Variants in POU6F2 observed in about 807,000 individuals in gnomAD.
The protein encoded by POU6F2 is POU domain, class 6, transcription factor 2.
In POU6F2, 31 loss-of-function variants were observed where a neutral mutation model predicts 71.3. The ratio of observed to expected loss-of-function variants is 0.43; its 90% CI spans 0.33 to 0.59. The LOEUF (loss-of-function observed/expected upper bound fraction) is 0.59, where lower values mean the gene tolerates loss of function less well. Ranked by LOEUF, POU6F2 falls within the 20% of genes least tolerant of loss-of-function variation. The probability of loss-of-function intolerance (pLI) is 0.04; values close to 1 mark genes in which losing one functional copy is unlikely to be tolerated. For synonymous variants in POU6F2, 347 were observed against 355.7 expected (o/e 0.98, Z 0.27); for missense variants, 783 against 856.8 (o/e 0.91, Z 1.07).
intron 4 of POU6F2, among the ~76,000 whole-genome samples, chr7:39,234,582 G>A (rs1477553376): frequency 6.6e-6 from 1 of 152,122 alleles, no homozygotes; most frequent in East Asian, 1.9e-4. Flanking sequence ...ATCACAGTGT[G>A]ATCCTTCTGG....
chr7:39,296,433 C>T (rs79279716), intron 4 of POU6F2, among the ~76,000 whole-genome samples: 2 of 152,204 alleles, frequency 1.3e-5, no homozygotes, highest in Non-Finnish European at 2.9e-5. Context: ...CATCCCTTCT[C>T]CTCTTCCTCT....
intron 2 of POU6F2, among the ~76,000 whole-genome samples, chr7:39,167,710 T>A (rs1793141479): frequency 6.6e-6 from 1 of 152,050 alleles, no homozygotes; most frequent in South Asian, 2.1e-4. Context: ...CTTTTACCAA[T>A]TTTTTGTTAG....
At chr7:39,247,834 C>T (rs1783848324) in intron 4 of POU6F2, among the ~76,000 whole-genome samples, 1 of 152,180 alleles carries the variant, frequency 6.6e-6, no homozygotes, top group Non-Finnish European at 1.5e-5. Context: ...TATTCCAGGG[C>T]AGCTAATAGG....
Position 39,242,404 on chromosome 7 carries a change from CTTTAG to C in POU6F2, c.598+34790_598+34794del, listed in dbSNP as rs528291024. ...TGCTTTTTTTTTTTTCTTTTCTTGTCTTTAGTTTAGCCATCGCACTAAGCATCTAT... is the reference window on the plus strand; with the variant it reads ...TGCTTTTTTTTTTTTCTTTTCTTGTCTTTAGCCATCGCACTAAGCATCTAT... On this transcript the variant is annotated intron_variant, in intron 4 of 9. Transcript: ENST00000518318. Among the ~76,000 whole-genome samples, 112 of 146,616 alleles carry C rather than the reference CTTTAG, an allele frequency of 7.6e-4. 1 individual carries two copies. Among genetic ancestry groups the C allele is most frequent in the African/African-American group, 2.6e-3 (104 of 39,426 alleles).
intron 4 of POU6F2, among the ~76,000 whole-genome samples, chr7:39,234,919 C>T (rs979162048): frequency 1.3e-5 from 2 of 152,154 alleles, no homozygotes; most frequent in Non-Finnish European, 2.9e-5. Flanking sequence ...TTCTCTTAGG[C>T]ATTCCTCCCT....
chr7:39,425,700 C>G (rs1423131218), intron 6 of POU6F2, among the ~76,000 whole-genome samples: 2 of 152,232 alleles, frequency 1.3e-5, no homozygotes, highest in Non-Finnish European at 2.9e-5. Context: ...CTGCTAGCTT[C>G]TTAAATTATC....
chr7:39,197,937 C>T (rs1225940635), intron 2 of POU6F2, among the ~76,000 whole-genome samples: 1 of 152,126 alleles, frequency 6.6e-6, no homozygotes, highest in African/African-American at 2.4e-5. Context: ...AGAGACTTTT[C>T]CCTGAAAGAA....
At chr7:39,196,120 G>A (rs1044811659) in intron 2 of POU6F2, among the ~76,000 whole-genome samples, 5 of 152,304 alleles carry the variant, frequency 3.3e-5, no homozygotes, top group Admixed American at 2.6e-4. Context: ...CCCTTGTCAA[G>A]CTCCACAGTG....
intron 4 of POU6F2, among the ~76,000 whole-genome samples, chr7:39,315,905 G>A (rs1257448082): frequency 1.3e-5 from 2 of 152,136 alleles, no homozygotes; most frequent in Non-Finnish European, 2.9e-5. Context: ...TACATAATTT[G>A]TCCCCAAATT....
intron 2 of POU6F2, among the ~76,000 whole-genome samples, chr7:39,114,955 T>C (rs570438240): frequency 1.9e-3 from 290 of 152,312 alleles, no homozygotes; most frequent in Non-Finnish European, 3.4e-3. Context: ...TTGATTTACA[T>C]AGGTATAAAT....
At chr7:39,232,953 A>G (rs886399480) in intron 4 of POU6F2, among the ~76,000 whole-genome samples, 2 of 152,190 alleles carry the variant, frequency 1.3e-5, no homozygotes, top group Non-Finnish European at 2.9e-5. Context: ...CTCCAGGACT[A>G]TTCCTTGGTT....
chr7:39,188,967 C>A (rs1460067349), intron 2 of POU6F2, among the ~76,000 whole-genome samples: 1 of 152,194 alleles, frequency 6.6e-6, no homozygotes, highest in Non-Finnish European at 1.5e-5. Flanking sequence ...TCTCCCTGTA[C>A]AAAAATTGTA....
chr7:39,269,254 C>T (rs1043993877), intron 4 of POU6F2, among the ~76,000 whole-genome samples: 4 of 152,182 alleles, frequency 2.6e-5, no homozygotes, highest in African/African-American at 9.7e-5. Context: ...AGGTTTCAGG[C>T]TGGCGCACAC....
chr7:39,140,101 G>A (rs1387026072), intron 2 of POU6F2, among the ~76,000 whole-genome samples: 1 of 152,138 alleles, frequency 6.6e-6, no homozygotes, highest in Non-Finnish European at 1.5e-5. Context: ...CACATCATAG[G>A]GTTGTTGTAA....
At chr7:39,418,942 T>C (rs982706639) in intron 6 of POU6F2, among the ~76,000 whole-genome samples, 5 of 139,148 alleles carry the variant, frequency 3.6e-5, no homozygotes, top group Non-Finnish European at 6.1e-5. Context: ...TATATGTGTA[T>C]ATATGTATAT....
At chr7:38,983,947 G>A (rs920606993) in intron 1 of POU6F2, among the ~76,000 whole-genome samples, 1 of 152,062 alleles carries the variant, frequency 6.6e-6, no homozygotes, top group Admixed American at 6.6e-5. Context: ...TTTATCAGTA[G>A]CTTTAAAACC....
chr7:39,363,493 T>C (rs868695059), intron 5 of POU6F2, among the ~76,000 whole-genome samples: 86 of 151,870 alleles, frequency 5.7e-4, no homozygotes, highest in African/African-American at 1.9e-3. Context: ...GCTGGAGATA[T>C]AAACTTGCAA....
intron 5 of POU6F2, among the ~76,000 whole-genome samples, chr7:39,363,477 G>A (rs1228110432): frequency 6.6e-6 from 1 of 151,814 alleles, no homozygotes; most frequent in African/African-American, 2.4e-5. Context: ...TTGGAAAAAG[G>A]TCCGTGCTGG....
At chr7:39,428,921 A>G (rs1788030731) in intron 6 of POU6F2, among the ~76,000 whole-genome samples, 1 of 134,000 alleles carries the variant, frequency 7.5e-6, no homozygotes, top group African/African-American at 2.8e-5. Context: ...CAATGAGAAC[A>G]CTTGCACACA....
Sources: gnomAD v4.1 joint callset for allele counts (sites outside exome capture counted in the v4.1 genomes callset) on GRCh38, gnomAD v4.1.1 for gene constraint, MANE v1.5 for transcripts, NCBI Gene and HGNC (gene_info 2026-07-23, HGNC 2026-07-21) for gene names.